The following TSHZ1 variants were observed in gnomAD, a reference collection of about 807,000 sequenced individuals.
TSHZ1 encodes the protein teashirt homolog 1.
A neutral mutation model predicts 67.1 loss-of-function variants in TSHZ1; 12 were observed. The observed-to-expected ratio is 0.18, with a 90% CI of 0.11 to 0.29. The LOEUF (loss-of-function observed/expected upper bound fraction) is 0.29. Among genes scored for constraint, TSHZ1 ranks in the 10% least tolerant of loss-of-function variants. The probability of loss-of-function intolerance (pLI) is 1.00; values close to 1 mark genes in which losing one functional copy is unlikely to be tolerated. For synonymous variants in TSHZ1, 632 were observed against 622.4 expected, an observed-to-expected ratio of 1.02 and a Z score of -0.23; for missense variants, 1,305 against 1,413.9, an observed-to-expected ratio of 0.92 and a Z score of 1.23.
chr18:75,218,395 A>G (rs1341923557), intron 1 of TSHZ1, among the ~76,000 whole-genome samples: 1 of 152,230 alleles, frequency 6.6e-6, no homozygotes, highest in Non-Finnish European at 1.5e-5. Flanking sequence ...GTGCTAATCG[A>G]TAACTAGTGT....
rs757158510 is a variant in TSHZ1 at position 75,286,134 on chromosome 18, G to A, written c.727G>A (p.Ala243Thr). 3.5e-5 allele frequency: 57 copies of A among 1,613,068 alleles called. No homozygotes were observed. The highest frequency in any genetic ancestry group is 4.7e-5 in the Non-Finnish European group (55 of 1,179,286). The change falls in exon 2 of 2, where the codon GCC becomes ACC. Residue 243 changes from alanine to threonine, a missense_variant. Around this residue, in one of 3 missense-constraint regions of TSHZ1, gnomAD observed 358 missense variants for 375.6 expected, o/e 0.95. Transcript: ENST00000580243. The surrounding 1 kb of genome is among the most constrained non-coding windows in gnomAD (Gnocchi z 5.1). ...GCTCTACGGCTCCGTCTTCACGGGC[G>A]CCAGCAAGTTCCGGTGCAAAGACTG... Reference protein sequence around the residue: ...NKLYGSVFTGASKFRCKDCSA... With the variant: ...NKLYGSVFTGTSKFRCKDCSA...
intron 1 of TSHZ1, among the ~76,000 whole-genome samples, chr18:75,237,452 G>A (rs1019777903): frequency 1.3e-5 from 2 of 152,172 alleles, no homozygotes; most frequent in Non-Finnish European, 2.9e-5. Context: ...AGCCCATAAA[G>A]TTGAGGCTGC....
At chr18:75,255,095 G>C (rs1369812744) in intron 1 of TSHZ1, among the ~76,000 whole-genome samples, 1 of 152,110 alleles carries the variant, frequency 6.6e-6, no homozygotes, top group Admixed American at 6.5e-5. Flanking sequence ...TTTAATGTAT[G>C]TATCCTTTGA....
At chr18:75,269,142 A>C (rs372856976) in intron 1 of TSHZ1, among the ~76,000 whole-genome samples, 7 of 152,218 alleles carry the variant, frequency 4.6e-5, no homozygotes, top group African/African-American at 1.7e-4. Context: ...CTAATACAGC[A>C]GGGTTCACCT....
chr18:75,233,941 C>T (rs983947901), intron 1 of TSHZ1, among the ~76,000 whole-genome samples: 2 of 152,022 alleles, frequency 1.3e-5, no homozygotes, highest in Admixed American at 6.6e-5. Flanking sequence ...TTTTACAAAC[C>T]CTTTTGGTGA....
intron 1 of TSHZ1, among the ~76,000 whole-genome samples, chr18:75,263,730 T>A (rs2023457089): frequency 6.6e-6 from 1 of 152,266 alleles, no homozygotes; most frequent in African/African-American, 2.4e-5. Flanking sequence ...TGAGCTGATT[T>A]ACATATGGAT....
chr18:75,243,091 C>A (rs2023177482), intron 1 of TSHZ1, among the ~76,000 whole-genome samples: 3 of 152,138 alleles, frequency 2.0e-5, no homozygotes, highest in African/African-American at 7.2e-5. Context: ...TGGAGCACAG[C>A]CTAGGATGCA....
intron 1 of TSHZ1, among the ~76,000 whole-genome samples, chr18:75,217,170 C>T (rs1176648305): frequency 6.6e-6 from 1 of 152,222 alleles, no homozygotes; most frequent in Non-Finnish European, 1.5e-5. Flanking sequence ...TTAGGCAGGC[C>T]TCTGCAGAGG....
At chr18:75,214,649 T>C (rs1408784985) in intron 1 of TSHZ1, among the ~76,000 whole-genome samples, 2 of 152,164 alleles carry the variant, frequency 1.3e-5, no homozygotes, top group Admixed American at 6.5e-5. Context: ...ATGACAGATG[T>C]AGAATAGCAA....
chr18:75,212,582 G>A (rs1255261512), intron 1 of TSHZ1, among the ~76,000 whole-genome samples: 2 of 152,178 alleles, frequency 1.3e-5, no homozygotes, highest in Admixed American at 1.3e-4. Flanking sequence ...TTTGATGTGT[G>A]ATTGATCGCC....
At chr18:75,248,956 G>A (rs968893031) in intron 1 of TSHZ1, among the ~76,000 whole-genome samples, 2 of 152,174 alleles carry the variant, frequency 1.3e-5, no homozygotes, top group Non-Finnish European at 2.9e-5. Flanking sequence ...AGCCACCTCC[G>A]CGTGGGAGGA....
chr18:75,241,642 T>A (rs1599035716), intron 1 of TSHZ1, among the ~76,000 whole-genome samples: 2 of 152,304 alleles, frequency 1.3e-5, no homozygotes, highest in South Asian at 2.1e-4. Context: ...CTTCCTTATT[T>A]AGTGACATTC....
At chr18:75,230,326 G>T (rs1267646123) in intron 1 of TSHZ1, among the ~76,000 whole-genome samples, 2 of 152,124 alleles carry the variant, frequency 1.3e-5, no homozygotes, top group African/African-American at 4.8e-5. Flanking sequence ...CAGAGCTGCC[G>T]TCCCTGCTGG....
chr18:75,231,435 T>C (rs1471927402), intron 1 of TSHZ1, among the ~76,000 whole-genome samples: 1 of 152,256 alleles, frequency 6.6e-6, no homozygotes, highest in East Asian at 1.9e-4. Context: ...ACCAGAACAC[T>C]GTGAGTCTCA....
At chr18:75,244,338 G>A (rs944862655) in intron 1 of TSHZ1, among the ~76,000 whole-genome samples, 22 of 152,142 alleles carry the variant, frequency 1.4e-4, no homozygotes, top group African/African-American at 4.8e-4. Flanking sequence ...ATGGTTTCCG[G>A]TTCATTCTTG....
chr18:75,272,482 C>G (rs2023570340), intron 1 of TSHZ1, among the ~76,000 whole-genome samples: 1 of 152,194 alleles, frequency 6.6e-6, no homozygotes, highest in African/African-American at 2.4e-5. Context: ...GGAAGGAGAA[C>G]TGGTATTTTC....
In TSHZ1 at chr18:75,234,940, C is replaced by T. The variant is rs749811793; in HGVS notation, c.40+23024C>T. On this transcript the variant is annotated intron_variant, in intron 1 of 1. Transcript: ENST00000580243. ...CATTTTCTCAGTAGACCCAGCGCAT[C>T]GAAAGATTTTGTGTATTGAAAAACT... Among the ~76,000 whole-genome samples the T allele has an allele frequency of 2.6e-5, 4 of 152,170 alleles. No homozygotes were observed. The East Asian group carries it at 7.7e-4, about 29-fold the overall frequency.
chr18:75,258,628 C>A (rs2023392177), intron 1 of TSHZ1, among the ~76,000 whole-genome samples: 2 of 152,082 alleles, frequency 1.3e-5, no homozygotes, highest in Admixed American at 6.5e-5. Flanking sequence ...GTCAGTGTGT[C>A]AGAAACATAC....
At chr18:75,255,415 A>G (rs1419117397) in intron 1 of TSHZ1, among the ~76,000 whole-genome samples, 1 of 152,222 alleles carries the variant, frequency 6.6e-6, no homozygotes, top group African/African-American at 2.4e-5. Context: ...AATATGCTAA[A>G]TACAGGTAAC....
Sources: gnomAD v4.1 joint callset for allele counts (sites outside exome capture counted in the v4.1 genomes callset) on GRCh38, gnomAD v4.1.1 for gene constraint, gnomAD v4.1.1 regional missense constraint, Gnocchi (gnomAD v3.1) non-coding constraint, MANE v1.5 for transcripts, NCBI Gene and HGNC (gene_info 2026-07-23, HGNC 2026-07-21) for gene names.